DMRT1: variants seen among roughly 807,000 people sequenced by gnomAD.
The protein encoded by DMRT1 is doublesex and mab-3 related transcription factor 1.
DMRT1 carries 7 observed loss-of-function variants against 32.3 expected under a neutral mutation model. That is an observed-to-expected ratio of 0.22 (90% CI 0.12 to 0.41). The LOEUF (loss-of-function observed/expected upper bound fraction) is 0.41. DMRT1 is among the 10% of genes least tolerant of loss of function. The pLI is 1.00. For synonymous variants in DMRT1, 278 were observed against 206.1 expected (o/e 1.35, Z -2.99); for missense variants, 625 against 500.5 (o/e 1.25, Z -2.37).
chr9:909,125 A>T (rs1014290793), intron 3 of DMRT1, among the ~76,000 whole-genome samples: 3 of 152,120 alleles, frequency 2.0e-5, no homozygotes, highest in African/African-American at 2.4e-5. Flanking sequence ...AAGAGAAAGC[A>T]AGGTGAGCGC....
In DMRT1 at chr9:902,255, T is replaced by A. The variant is rs1348841826; in HGVS notation, c.822+8060T>A. Among the ~76,000 whole-genome samples, 5 of 146,994 alleles carry A rather than the reference T, an allele frequency of 3.4e-5. No individual in the cohort carries two copies. The Admixed American group carries it at 3.4e-4, about 10-fold the overall frequency. On this transcript the variant is annotated intron_variant, in intron 3 of 4. Transcript: ENST00000382276. Reference sequence around the variant, plus strand: ...TAAAGTGATGTATTAGATGGTGGGATGTTTTTTGTTAATGCTCTTATTCAG... The same window carrying A: ...TAAAGTGATGTATTAGATGGTGGGAAGTTTTTTGTTAATGCTCTTATTCAG...
intron 2 of DMRT1, among the ~76,000 whole-genome samples, chr9:855,836 C>G (rs958746467): frequency 2.0e-5 from 3 of 152,184 alleles, no homozygotes; most frequent in African/African-American, 7.2e-5. Flanking sequence ...CTAGGCTGGT[C>G]TCAAACTCCT....
chr9:875,182 T>G lies in DMRT1; in HGVS notation c.539-18730T>G, dbSNP rs113366767. 2.0e-3 allele frequency among the ~76,000 whole-genome samples: 300 copies of G among 152,246 alleles called. 1 individual carries two copies. The highest frequency in any genetic ancestry group is 0.01 in the South Asian group (50 of 4,816). ...GTTCTGATAATGGCCCTTCCCTCAT[T>G]GTAAATTTTAAAAAACATGTCTTTA... On this transcript the variant is annotated intron_variant, in intron 2 of 4. Coordinates refer to ENST00000382276, the MANE Select transcript of DMRT1 (RefSeq NM_021951.3).
chr9:919,527 A>C (rs575926557), intron 4 of DMRT1, among the ~76,000 whole-genome samples: 1 of 152,174 alleles, frequency 6.6e-6, no homozygotes, highest in Admixed American at 6.5e-5. Context: ...CCTTATCCTG[A>C]AAAACGTTAA....
intron 4 of DMRT1, among the ~76,000 whole-genome samples, chr9:942,061 C>T (rs1819092502): frequency 6.6e-6 from 1 of 152,148 alleles, no homozygotes; most frequent in Admixed American, 6.6e-5. Context: ...CATCATCTTC[C>T]TTTATTCTCT....
At chr9:961,474 A>G (rs1222396261) in intron 4 of DMRT1, among the ~76,000 whole-genome samples, 1 of 152,122 alleles carries the variant, frequency 6.6e-6, no homozygotes, top group Non-Finnish European at 1.5e-5. Context: ...GGTTTGCTTG[A>G]TCGTGGGATA....
Position 842,219 on chromosome 9 carries a change from G to T in DMRT1, c.354+27G>T. The T allele has an allele frequency of 2.7e-6, 4 of 1,468,334 alleles. No individual in the cohort carries two copies. The South Asian group carries it at 4.9e-5, about 18-fold the overall frequency. 91.0% of individuals were successfully genotyped at this position (1,468,334 alleles called of 1,614,324 possible). A position where few individuals can be genotyped will look rare whatever the true frequency, so the allele number is the denominator to read the frequency against. ...TGGGTGCGGGCGTGCGGGAGCCCGG[G>T]TTCAGCCTTAGTTTTTTTTTTTTTT... On this transcript the variant is annotated intron_variant, in intron 1 of 4. Coordinates refer to ENST00000382276, the MANE Select transcript of DMRT1 (RefSeq NM_021951.3).
At chr9:902,125 G>A (rs953503348) in intron 3 of DMRT1, among the ~76,000 whole-genome samples, 1 of 151,468 alleles carries the variant, frequency 6.6e-6, no homozygotes, top group Non-Finnish European at 1.5e-5. Context: ...GGCCAGGCTG[G>A]TCTCAAACTC....
chr9:873,923 A>G (rs748444972), intron 2 of DMRT1, among the ~76,000 whole-genome samples: 1 of 152,208 alleles, frequency 6.6e-6, no homozygotes, highest in Non-Finnish European at 1.5e-5. Context: ...TAGTAGGGGA[A>G]AAGAAATATA....
chr9:936,873 T>G (rs779168388), intron 4 of DMRT1, among the ~76,000 whole-genome samples: 16 of 152,226 alleles, frequency 1.1e-4, no homozygotes, highest in Non-Finnish European at 1.8e-4. Flanking sequence ...TTTAACATTT[T>G]TAAGCATACA....
At chr9:950,874 C>T (rs563972509) in intron 4 of DMRT1, among the ~76,000 whole-genome samples, 1 of 152,236 alleles carries the variant, frequency 6.6e-6, no homozygotes, top group African/African-American at 2.4e-5. Flanking sequence ...TTTGTTACTA[C>T]AAAAATGTTT....
chr9:916,359 A>G (rs189640490), intron 3 of DMRT1, among the ~76,000 whole-genome samples: 13 of 151,072 alleles, frequency 8.6e-5, no homozygotes, highest in Non-Finnish European at 1.5e-4. Flanking sequence ...TAGATAGGCT[A>G]TTCCCTTAAT....
At chr9:940,432 G>C (rs994926974) in intron 4 of DMRT1, among the ~76,000 whole-genome samples, 1 of 152,050 alleles carries the variant, frequency 6.6e-6, no homozygotes, top group Non-Finnish European at 1.5e-5. Context: ...TTTTTGACCA[G>C]AGTGCTAAGA....
intron 4 of DMRT1, among the ~76,000 whole-genome samples, chr9:935,705 T>C (rs549734909): frequency 9.2e-5 from 14 of 152,360 alleles, no homozygotes; most frequent in Admixed American, 9.1e-4. Flanking sequence ...GTTACAGCGC[T>C]AAATGGACTG....
In DMRT1 at chr9:916,882, C is replaced by T. The variant is rs756646537; in HGVS notation, c.942C>T (p.Pro314=). Residue 314 remains proline (P), a synonymous_variant, in exon 4 of 5, where the codon CCC becomes CCT. Transcript: ENST00000382276. The stretch of plus-strand genomic sequence containing the variant: ...AGTTCTTCACTTTTGAGGATGCTCC[C>T]TCTTACCCGGAAGCCAGGGCGAGCG... ...VPQFFTFEDA[P]SYPEARASVF... 1 of 1,614,190 alleles carries T rather than the reference C, an allele frequency of 6.2e-7. No individual in the cohort carries two copies. The highest frequency in any genetic ancestry group is 8.5e-7 in the Non-Finnish European group (1 of 1,180,042).
In DMRT1 at chr9:968,373, C is replaced by A; in HGVS notation, c.*234C>A. ...CTCACGGAGTTTAAATAATAGTGTT[C>A]ATTTTTTTAATGACACTGGTTTCAT... is the stretch of plus-strand genomic sequence containing the variant. On this transcript the variant is annotated 3_prime_UTR_variant, in exon 5 of 5. Transcript: ENST00000382276. The A allele has an allele frequency of 2.0e-6, 1 of 504,856 alleles. No homozygotes were observed. The highest frequency in any genetic ancestry group is 3.5e-6 in the Non-Finnish European group (1 of 282,516). 31.3% of individuals were successfully genotyped at this position (504,856 alleles called of 1,614,324 possible). A position where few individuals can be genotyped will look rare whatever the true frequency, so the allele number is the denominator to read the frequency against.
chr9:968,472 A>C lies in DMRT1; in HGVS notation c.*333A>C. On this transcript the variant is annotated 3_prime_UTR_variant, in exon 5 of 5. Transcript: ENST00000382276. ...GCCTCTAAATGAGTCATCTAATTAG[A>C]TGTTACTTTTAGTTTTAAAATGAAA... 5.1e-6 allele frequency: 1 copy of C among 197,620 alleles called. No homozygotes were observed. The allele number at this position is 197,620 out of a possible 1,614,324, so 12.2% of individuals were successfully genotyped here. A position where few individuals can be genotyped will look rare whatever the true frequency, so the allele number is the denominator to read the frequency against.
intron 4 of DMRT1, among the ~76,000 whole-genome samples, chr9:966,033 G>A (rs1005081010): frequency 1.3e-5 from 2 of 152,120 alleles, no homozygotes; most frequent in African/African-American, 4.8e-5. Flanking sequence ...GGACATTAAC[G>A]CACGGACTCC....
intron 2 of DMRT1, among the ~76,000 whole-genome samples, chr9:855,511 C>G (rs4742493): frequency 0.43 from 64,897 of 152,062 alleles, 14,042 homozygotes; most frequent in East Asian, 0.59. Flanking sequence ...ATTTGAAGCT[C>G]TATTTTAAAA....
Sources: gnomAD v4.1 joint callset for allele counts (sites outside exome capture counted in the v4.1 genomes callset) on GRCh38, gnomAD v4.1.1 for gene constraint, MANE v1.5 for transcripts, NCBI Gene and HGNC (gene_info 2026-07-23, HGNC 2026-07-21) for gene names.